Variants in PTPRD observed in about 807,000 individuals in gnomAD.
PTPRD encodes the protein protein tyrosine phosphatase receptor type D.
Under a neutral mutation model 214.5 loss-of-function variants are expected in PTPRD, and 34 were observed. The ratio of observed to expected loss-of-function variants is 0.16; its 90% CI spans 0.12 to 0.21. The LOEUF (loss-of-function observed/expected upper bound fraction) is 0.21. Among genes scored for constraint, PTPRD ranks in the 10% least tolerant of loss-of-function variants. The pLI, the probability that PTPRD is intolerant of heterozygous loss-of-function variation, is 1.00. For synonymous variants in PTPRD, 1,128 were observed against 845.7 expected, an observed-to-expected ratio of 1.33 and a Z score of -5.79; for missense variants, 2,545 against 2,398.7, an observed-to-expected ratio of 1.06 and a Z score of -1.27.
At position 8,389,313 on chromosome 9, in the gene PTPRD, T is replaced by G. The variant is rs574770619; in HGVS notation, c.4305A>C (p.Thr1435=). Residue 1435 remains threonine (T), a synonymous_variant, in exon 37 of 46, where the codon ACA becomes ACC. Coordinates refer to ENST00000381196, the MANE Select transcript of PTPRD (RefSeq NM_002839.4). ...ATATCATTCTCCAAAAGTCCCCAAATGTTTCGGGGAGAGATCCCTGTGTTG... is the reference window on the plus strand; with the variant it reads ...ATATCATTCTCCAAAAGTCCCCAAAGGTTTCGGGGAGAGATCCCTGTGTTG... ...YIATQGSLPE[T]FGDFWRMIWE... The G allele has an allele frequency of 1.9e-6, 3 of 1,613,012 alleles. No homozygotes were observed. The Admixed American group carries it at 5.0e-5, about 27-fold the overall frequency.
At chr9:9,965,785 G>A (rs2094647868) in intron 4 of PTPRD, among the ~76,000 whole-genome samples, 1 of 152,104 alleles carries the variant, frequency 6.6e-6, no homozygotes, top group African/African-American at 2.4e-5. Flanking sequence ...CAGTACTTAT[G>A]CTACATTGTC....
At chr9:10,611,497 T>G (rs1260122863) in intron 2 of PTPRD, among the ~76,000 whole-genome samples, 1 of 152,218 alleles carries the variant, frequency 6.6e-6, no homozygotes, top group African/African-American at 2.4e-5. Flanking sequence ...ACATGTTTTT[T>G]ATATATATGT....
At chr9:8,746,607 C>T (rs972365881) in intron 11 of PTPRD, among the ~76,000 whole-genome samples, 1 of 152,192 alleles carries the variant, frequency 6.6e-6, no homozygotes, top group African/African-American at 2.4e-5. Context: ...GTAACTTTCT[C>T]AACACCAAAC....
At chr9:9,435,599 T>A (rs540622107) in intron 8 of PTPRD, among the ~76,000 whole-genome samples, 1 of 152,260 alleles carries the variant, frequency 6.6e-6, no homozygotes, top group South Asian at 2.1e-4. Flanking sequence ...TTTCTTTTAT[T>A]GGATTTTTCA....
intron 8 of PTPRD, among the ~76,000 whole-genome samples, chr9:9,453,533 C>G (rs749425634): frequency 2.0e-5 from 3 of 151,566 alleles, no homozygotes; most frequent in African/African-American, 7.3e-5. Flanking sequence ...TATTAAATTA[C>G]AGTCTAAGGG....
intron 2 of PTPRD, among the ~76,000 whole-genome samples, chr9:10,573,767 G>C (rs748978216): frequency 6.6e-6 from 1 of 152,098 alleles, no homozygotes; most frequent in Non-Finnish European, 1.5e-5. Flanking sequence ...AAGAAAATGA[G>C]GAAGTTGAAG....
chr9:10,216,882 A>G (rs1462050809), intron 3 of PTPRD, among the ~76,000 whole-genome samples: 1 of 151,906 alleles, frequency 6.6e-6, no homozygotes, highest in Non-Finnish European at 1.5e-5. Flanking sequence ...CATATATTCA[A>G]TTTCTGTCTT....
At chr9:9,731,103 A>T (rs538216158) in intron 7 of PTPRD, among the ~76,000 whole-genome samples, 1 of 152,238 alleles carries the variant, frequency 6.6e-6, no homozygotes, top group African/African-American at 2.4e-5. Context: ...TTCTGTAAAT[A>T]TTTTACCTGC....
intron 2 of PTPRD, among the ~76,000 whole-genome samples, chr9:10,439,381 A>G (rs1035487400): frequency 3.3e-5 from 5 of 151,798 alleles, no homozygotes; most frequent in African/African-American, 1.2e-4. Flanking sequence ...ACAAAACCCT[A>G]CATCTGGATT....
intron 14 of PTPRD, among the ~76,000 whole-genome samples, chr9:8,579,868 T>C (rs893001241): frequency 7.2e-5 from 11 of 152,176 alleles, no homozygotes; most frequent in African/African-American, 2.4e-4. Context: ...GAAAAGCTGG[T>C]GAGGCAAGTG....
chr9:9,833,055 T>C (rs1254720942), intron 5 of PTPRD, among the ~76,000 whole-genome samples: 1 of 151,980 alleles, frequency 6.6e-6, no homozygotes, highest in African/African-American at 2.4e-5. Context: ...GTTCCTCTAA[T>C]AATACCTGAC....
intron 3 of PTPRD, among the ~76,000 whole-genome samples, chr9:10,327,591 C>A (rs1169058558): frequency 1.3e-5 from 2 of 151,566 alleles, no homozygotes; most frequent in African/African-American, 4.8e-5. Flanking sequence ...AAATCTAGAG[C>A]TCTTGCATAA....
Position 9,325,631 on chromosome 9 carries a change from T to A in PTPRD, c.-203+71818A>T, listed in dbSNP as rs181836377. Among the ~76,000 whole-genome samples, 546 of 152,312 alleles carry A rather than the reference T, an allele frequency of 3.6e-3. 3 individuals are homozygous for A. Among genetic ancestry groups the A allele is most frequent in the African/African-American group, 0.013 (521 of 41,556 alleles). ...GTTTTCTAGATATACAATCATGTCATCTGCAAACAAGGACAATTTGACTTC... is the reference window on the plus strand; with the variant it reads ...GTTTTCTAGATATACAATCATGTCAACTGCAAACAAGGACAATTTGACTTC... On this transcript the variant is annotated intron_variant, in intron 9 of 45. Transcript: ENST00000381196.
chr9:8,642,201 G>C (rs1011476307), intron 12 of PTPRD, among the ~76,000 whole-genome samples: 6 of 152,178 alleles, frequency 3.9e-5, no homozygotes, highest in Admixed American at 1.3e-4. Context: ...TGCTACAAAA[G>C]TGAAGAGACA....
chr9:9,749,805 C>T (rs779463815), intron 6 of PTPRD, among the ~76,000 whole-genome samples: 11 of 152,104 alleles, frequency 7.2e-5, no homozygotes, highest in Non-Finnish European at 1.5e-4. Context: ...AGGTTAGTCA[C>T]GCTTCCTGTC....
intron 39 of PTPRD, among the ~76,000 whole-genome samples, chr9:8,353,184 A>G (rs2133338088): frequency 6.6e-6 from 1 of 152,304 alleles, no homozygotes; most frequent in East Asian, 1.9e-4. Flanking sequence ...GGAAGGCTCT[A>G]AATCTGTGGT....
chr9:9,291,904 A>G (rs561255834), intron 9 of PTPRD, among the ~76,000 whole-genome samples: 7 of 150,578 alleles, frequency 4.6e-5, no homozygotes, highest in African/African-American at 1.7e-4. Context: ...ATATATATAT[A>G]TATCTCAAAT....
chr9:8,618,919 T>TG (rs1403962101), intron 14 of PTPRD, among the ~76,000 whole-genome samples: 57 of 140,274 alleles, frequency 4.1e-4, no homozygotes, highest in African/African-American at 1.5e-3. Flanking sequence ...TTTTTGTTTT[T>TG]TTTTTTTTTT....
chr9:10,201,885 C>G (rs294815), intron 3 of PTPRD, among the ~76,000 whole-genome samples: 22,608 of 148,672 alleles, frequency 0.15, 2,004 homozygotes, highest in East Asian at 0.4. Flanking sequence ...TTGAGAGGTA[C>G]AATTTTCAGT....
Sources: gnomAD v4.1 joint callset for allele counts (sites outside exome capture counted in the v4.1 genomes callset) on GRCh38, gnomAD v4.1.1 for gene constraint, MANE v1.5 for transcripts, NCBI Gene and HGNC (gene_info 2026-07-23, HGNC 2026-07-21) for gene names.